Variants in FUT4 observed in about 807,000 individuals in gnomAD.
The protein encoded by FUT4 is fucosyltransferase 4.
In FUT4, 1 loss-of-function variant was observed where a neutral mutation model predicts 3.8. The ratio of observed to expected loss-of-function variants is 0.26; its 90% CI spans 0.09 to 1.25. FUT4 has a LOEUF of 1.25. FUT4 is among the 50% of genes most tolerant of loss of function. The pLI, the probability that FUT4 is intolerant of heterozygous loss-of-function variation, is 0.47. For synonymous variants in FUT4, 417 were observed against 355.3 expected (o/e 1.17, Z -1.95); for missense variants, 880 against 768.2 (o/e 1.15, Z -1.72).
In FUT4 at chr11:94,545,463, C is replaced by A; in HGVS notation, c.1330C>A (p.Arg444Ser). The A allele has an allele frequency of 6.2e-7, 1 of 1,613,400 alleles. No homozygotes were observed. Among genetic ancestry groups the A allele is most frequent in the Non-Finnish European group, 8.5e-7 (1 of 1,179,854 alleles). The change falls in exon 1 of 1, where the codon CGT becomes AGT. Residue 444 changes from arginine to serine, a missense_variant. By Grantham distance (110) the Arg-to-Ser change is moderately radical. This residue lies in a region of FUT4 where 424 missense variants were observed against 400.4 expected (regional missense o/e 1.06). Coordinates refer to ENST00000358752, the MANE Select transcript of FUT4 (RefSeq NM_002033.4). ...GGTGCCGGTGGTGCTGGGCCCAGACCGTGCCAACTACGAGCGCTTTGTGCC... is the reference window on the plus strand; with the variant it reads ...GGTGCCGGTGGTGCTGGGCCCAGACAGTGCCAACTACGAGCGCTTTGTGCC... Reference protein sequence around the residue: ...GAVPVVLGPDRANYERFVPRG... With the variant: ...GAVPVVLGPDSANYERFVPRG...
At position 94,544,575 on chromosome 11, in the gene FUT4, G is replaced by A; in HGVS notation, c.442G>A (p.Gly148Arg). ...GGRRGWRRGR[G>R]LPWTVCVLAA... Reference sequence around the variant, plus strand: ...GCGGCGCGGGTGGCGCCGAGGCCGGGGGCTGCCATGGACCGTCTGTGTGCT... The same window carrying A: ...GCGGCGCGGGTGGCGCCGAGGCCGGAGGCTGCCATGGACCGTCTGTGTGCT... The change falls in exon 1 of 1, where the codon GGG (glycine) becomes AGG (arginine). Residue 148 changes from glycine (G) to arginine (R), a missense_variant. Gly to Arg is a moderately radical substitution (Grantham distance 125). Transcript: ENST00000358752. 9 of 1,310,692 alleles carry A rather than the reference G, an allele frequency of 6.9e-6. No homozygotes were observed. Among genetic ancestry groups the A allele is most frequent in the Non-Finnish European group, 8.7e-6 (9 of 1,037,222 alleles). 81.2% of individuals were successfully genotyped at this position (1,310,692 alleles called of 1,614,324 possible).
Position 94,544,968 on chromosome 11 carries a change from G to T in FUT4, c.835G>T (p.Ala279Ser). 6.2e-7 allele frequency: 1 copy of T among 1,605,878 alleles called. No individual in the cohort carries two copies. The highest frequency in any genetic ancestry group is 8.5e-7 in the Non-Finnish European group (1 of 1,176,596). Residue 279 changes from alanine (A) to serine (S), a missense_variant, in exon 1 of 1, where the codon GCC (alanine) becomes TCC (serine). Physicochemically the swap from Ala to Ser is moderately conservative, Grantham distance 99. Transcript: ENST00000358752. ...DYEEAAAAAE[A>S]LATSSPRPPG... The stretch of plus-strand genomic sequence containing the variant: ...CGAGGAGGCAGCGGCGGCGGCAGAA[G>T]CCCTGGCGACCTCCAGCCCCAGGCC...
In FUT4 at chr11:94,547,053, A is replaced by G. The variant is rs1405435422; in HGVS notation, c.*1327A>G. 3 of 167,126 alleles carry G rather than the reference A, an allele frequency of 1.8e-5. No individual in the cohort carries two copies. The highest frequency in any genetic ancestry group is 2.9e-5 in the Non-Finnish European group (2 of 68,138). 10.4% of individuals were successfully genotyped at this position (167,126 alleles called of 1,614,324 possible). On this transcript the variant is annotated 3_prime_UTR_variant, in exon 1 of 1. Transcript: ENST00000358752. ...CCCTTGAGACTGTGCTATGGAACCA[A>G]TCTTGAACATACATGCATTGACTTG...
Position 94,544,199 on chromosome 11 carries a change from G to C in FUT4, c.66G>C (p.Glu22Asp). Residue 22 changes from glutamate to aspartate, a missense_variant, in exon 1 of 1, where the codon GAG (glutamate) becomes GAC (aspartate). Coordinates refer to ENST00000358752, the MANE Select transcript of FUT4 (RefSeq NM_002033.4). The part of the protein sequence containing the change: ...SGAGWEKEWA[E>D]APQEAPGAWS... ...CGGGCTGGGAGAAGGAGTGGGCGGA[G>C]GCGCCGCAGGAGGCTCCCGGGGCCT... is the stretch of plus-strand genomic sequence containing the variant. 3 of 1,418,788 alleles carry C rather than the reference G, an allele frequency of 2.1e-6. No homozygotes were observed. Among genetic ancestry groups the C allele is most frequent in the Non-Finnish European group, 2.8e-6 (3 of 1,090,238 alleles). The allele number at this position is 1,418,788 out of a possible 1,614,324, so 87.9% of individuals were successfully genotyped here.
Position 94,544,270 on chromosome 11 carries a change from C to T in FUT4, c.137C>T (p.Ala46Val), listed in dbSNP as rs769358122. The change falls in exon 1 of 1, where the codon GCG becomes GTG. Residue 46 changes from alanine to valine, a missense_variant. Around this residue, in one of 3 missense-constraint regions of FUT4, gnomAD observed 447 missense variants for 339.5 expected, o/e 1.32. Coordinates refer to ENST00000358752, the MANE Select transcript of FUT4 (RefSeq NM_002033.4). Reference sequence around the variant, plus strand: ...GGGCGCAGTGGAAGAAAGGGACGGGCGGTGCCCGGTTGGGCGTCCTGGCCA... The same window carrying T: ...GGGCGCAGTGGAAGAAAGGGACGGGTGGTGCCCGGTTGGGCGTCCTGGCCA... ...GPGRSGRKGR[A>V]VPGWASWPAH... 2.0e-5 allele frequency: 31 copies of T among 1,542,460 alleles called. No individual in the cohort carries two copies. Among genetic ancestry groups the T allele is most frequent in the East Asian group, 2.7e-5 (1 of 37,664 alleles).
rs1208249840 is a variant in FUT4 at position 94,544,703 on chromosome 11, C to T, written c.570C>T (p.Gly190=). ...CGCCAACCCCGTCGCGACCGGTGGG[C>T]GTGCTGCTGTGGTGGGAGCCCTTCG... is the stretch of plus-strand genomic sequence containing the variant. ...WASPTPSRPV[G]VLLWWEPFGG... is the part of the protein sequence containing the mutation. Residue 190 remains glycine (G), a synonymous_variant, in exon 1 of 1, where the codon GGC becomes GGT. Coordinates refer to ENST00000358752, the MANE Select transcript of FUT4 (RefSeq NM_002033.4). The T allele has an allele frequency of 4.6e-6, 7 of 1,506,584 alleles. No individual in the cohort carries two copies. The highest frequency in any genetic ancestry group is 1.2e-5 in the South Asian group (1 of 83,488). 93.3% of individuals were successfully genotyped at this position (1,506,584 alleles called of 1,614,324 possible).
rs1429568111 is a variant in FUT4 at position 94,546,121 on chromosome 11, G to A, written c.*395G>A. 5.6e-6 allele frequency: 2 copies of A among 357,702 alleles called. No homozygotes were observed. The highest frequency in any genetic ancestry group is 7.5e-5 in the East Asian group (1 of 13,412). 22.2% of individuals were successfully genotyped at this position (357,702 alleles called of 1,614,324 possible). A position where few individuals can be genotyped will look rare whatever the true frequency, so the allele number is the denominator to read the frequency against. ...CAGCTTCCAAATCTCATACACAACT[G>A]TTCCCGATTCACGTTTTTCTGGACC... On this transcript the variant is annotated 3_prime_UTR_variant, in exon 1 of 1. Coordinates refer to ENST00000358752, the MANE Select transcript of FUT4 (RefSeq NM_002033.4).
At position 94,549,124 on chromosome 11, in the gene FUT4, T is replaced by C; in HGVS notation, c.*3398T>C. On this transcript the variant is annotated 3_prime_UTR_variant, in exon 1 of 1. Coordinates refer to ENST00000358752, the MANE Select transcript of FUT4 (RefSeq NM_002033.4). Reference sequence around the variant, plus strand: ...TGTATATTGTAAAGTGCTATATAATTATAAGATGTTCTAAATTTTCAAGGA... The same window carrying C: ...TGTATATTGTAAAGTGCTATATAATCATAAGATGTTCTAAATTTTCAAGGA... 1 of 167,118 alleles carries C rather than the reference T, an allele frequency of 6.0e-6. No homozygotes were observed. 10.4% of individuals were successfully genotyped at this position (167,118 alleles called of 1,614,324 possible). A position where few individuals can be genotyped will look rare whatever the true frequency, so the allele number is the denominator to read the frequency against.
In FUT4 at chr11:94,545,298, G is replaced by A; in HGVS notation, c.1165G>A (p.Gly389Ser). 6.2e-7 allele frequency: 1 copy of A among 1,611,618 alleles called. No homozygotes were observed. The highest frequency in any genetic ancestry group is 8.5e-7 in the Non-Finnish European group (1 of 1,179,416). ...QHVTVDVFGR[G>S]GPGQPVPEIG... ...TGTGACCGTGGACGTGTTCGGCCGG[G>A]GCGGGCCGGGGCAGCCGGTGCCCGA... The change falls in exon 1 of 1, where the codon GGC becomes AGC. Residue 389 changes from glycine to serine, a missense_variant. Physicochemically the swap from Gly to Ser is moderately conservative, Grantham distance 56 (BLOSUM62 0). Around this residue, in one of 3 missense-constraint regions of FUT4, gnomAD observed 424 missense variants for 400.4 expected, o/e 1.06. Coordinates refer to ENST00000358752, the MANE Select transcript of FUT4 (RefSeq NM_002033.4).
Position 94,547,778 on chromosome 11 carries a change from A to C in FUT4, c.*2052A>C, listed in dbSNP as rs1432731953. On this transcript the variant is annotated 3_prime_UTR_variant, in exon 1 of 1. Transcript: ENST00000358752. ...AGGTTTTGAAGGTAACCTAGTTTAGATTTGAATTCCAGCTATGTGACATTG... is the reference window on the plus strand; with the variant it reads ...AGGTTTTGAAGGTAACCTAGTTTAGCTTTGAATTCCAGCTATGTGACATTG... The C allele has an allele frequency of 6.0e-6, 1 of 167,060 alleles. No individual in the cohort carries two copies. The highest frequency in any genetic ancestry group is 1.5e-5 in the Non-Finnish European group (1 of 68,120). The allele number at this position is 167,060 out of a possible 1,614,324, so 10.3% of individuals were successfully genotyped here.
rs777089624 is a variant in FUT4, at chr11:94,544,392, C to A, written c.259C>A (p.Arg87=). Residue 87 remains arginine (R), a synonymous_variant, in exon 1 of 1, where the codon CGG becomes AGG. Transcript: ENST00000358752. ...LHSGTAPFHS[R]ASGERQRRLE... ...TTCTGGGACCGCCCCCTTCCATTCC[C>A]GGGCCAGCGGCGAGCGGCAGCGACG... The A allele has an allele frequency of 6.5e-7, 1 of 1,536,668 alleles. No homozygotes were observed. The highest frequency in any genetic ancestry group is 8.7e-7 in the Non-Finnish European group (1 of 1,149,630).
rs1260797535 is a variant in FUT4 at position 94,545,286 on chromosome 11, G to A, written c.1153G>A (p.Val385Met). ...HQLSQHVTVD[V>M]FGRGGPGQPV... ...ACTGAGCCAACATGTGACCGTGGAC[G>A]TGTTCGGCCGGGGCGGGCCGGGGCA... Residue 385 changes from valine (V) to methionine (M), a missense_variant, in exon 1 of 1, where the codon GTG becomes ATG. Transcript: ENST00000358752. 1 of 1,612,116 alleles carries A rather than the reference G, an allele frequency of 6.2e-7. No homozygotes were observed. Among genetic ancestry groups the A allele is most frequent in the Non-Finnish European group, 8.5e-7 (1 of 1,179,914 alleles).
chr11:94,546,983 C>G lies in FUT4; in HGVS notation c.*1257C>G, dbSNP rs1206572776. The stretch of plus-strand genomic sequence containing the variant: ...TTCTCCCTGGTGCCAGCAGGTTCCC[C>G]TCACAGTCAATGCAGTGGTATAGCA... On this transcript the variant is annotated 3_prime_UTR_variant, in exon 1 of 1. Transcript: ENST00000358752. 6.0e-6 allele frequency: 1 copy of G among 167,102 alleles called. No homozygotes were observed. 10.4% of individuals were successfully genotyped at this position (167,102 alleles called of 1,614,324 possible). A position where few individuals can be genotyped will look rare whatever the true frequency, so the allele number is the denominator to read the frequency against.
Position 94,543,982 on chromosome 11 carries a change from T to A in FUT4, c.-152T>A. ...GGGCCTGCTCCTGCGCGGCAGCTGC[T>A]TTAGAAGGTCTCGAGCCTCCTGTAC... On this transcript the variant is annotated 5_prime_UTR_variant, in exon 1 of 1. Coordinates refer to ENST00000358752, the MANE Select transcript of FUT4 (RefSeq NM_002033.4). 9.2e-7 allele frequency: 1 copy of A among 1,089,442 alleles called. No individual in the cohort carries two copies. The highest frequency in any genetic ancestry group is 1.2e-6 in the Non-Finnish European group (1 of 837,198). The allele number at this position is 1,089,442 out of a possible 1,614,324, so 67.5% of individuals were successfully genotyped here. A position where few individuals can be genotyped will look rare whatever the true frequency, so the allele number is the denominator to read the frequency against.
At position 94,545,003 on chromosome 11, in the gene FUT4, G is replaced by C. The variant is rs1479776074; in HGVS notation, c.870G>C (p.Gln290His). The C allele has an allele frequency of 6.2e-6, 10 of 1,608,680 alleles. No individual in the cohort carries two copies. Among genetic ancestry groups the C allele is most frequent in the Non-Finnish European group, 8.5e-6 (10 of 1,177,492 alleles). The change falls in exon 1 of 1, where the codon CAG becomes CAC. Residue 290 changes from glutamine to histidine, a missense_variant. Transcript: ENST00000358752. ...LATSSPRPPG[Q>H]RWVWMNFESP... is the part of the protein sequence containing the mutation. ...CCTCCAGCCCCAGGCCCCCGGGCCA[G>C]CGCTGGGTTTGGATGAACTTCGAGT...
In FUT4 at chr11:94,544,195, C is replaced by G; in HGVS notation, c.62C>G (p.Ala21Gly). The change falls in exon 1 of 1, where the codon GCG (alanine) becomes GGG (glycine). Residue 21 changes from alanine (A) to glycine (G), a missense_variant. Ala to Gly is a moderately conservative substitution (Grantham distance 60). Coordinates refer to ENST00000358752, the MANE Select transcript of FUT4 (RefSeq NM_002033.4). ...PSGAGWEKEW[A>G]EAPQEAPGAW... ...GGCGCGGGCTGGGAGAAGGAGTGGG[C>G]GGAGGCGCCGCAGGAGGCTCCCGGG... 1 of 1,414,334 alleles carries G rather than the reference C, an allele frequency of 7.1e-7. No homozygotes were observed. The highest frequency in any genetic ancestry group is 9.2e-7 in the Non-Finnish European group (1 of 1,088,136). The allele number at this position is 1,414,334 out of a possible 1,614,324, so 87.6% of individuals were successfully genotyped here.
rs755685530 is a variant in FUT4, at chr11:94,545,617, A to T, written c.1484A>T (p.His495Leu). Reference sequence around the variant, plus strand: ...CACTGGCGCCGGAGCTACGCTGTCCACATCACCTCCTTCTGGGACGAGCCT... The same window carrying T: ...CACTGGCGCCGGAGCTACGCTGTCCTCATCACCTCCTTCTGGGACGAGCCT... ...YFHWRRSYAVHITSFWDEPWC... is the reference protein window; with the variant it reads ...YFHWRRSYAVLITSFWDEPWC... Residue 495 changes from histidine to leucine, a missense_variant, in exon 1 of 1, where the codon CAC (histidine) becomes CTC (leucine). By Grantham distance (99) the His-to-Leu change is moderately conservative. Transcript: ENST00000358752. The T allele has an allele frequency of 1.2e-6, 2 of 1,613,278 alleles. No individual in the cohort carries two copies. The highest frequency in any genetic ancestry group is 1.6e-4 in the Middle Eastern group (1 of 6,062).
At position 94,544,974 on chromosome 11, in the gene FUT4, G is replaced by T. The variant is rs1406916268; in HGVS notation, c.841G>T (p.Ala281Ser). Residue 281 changes from alanine (A) to serine (S), a missense_variant, in exon 1 of 1, where the codon GCG (alanine) becomes TCG (serine). By Grantham distance (99) the Ala-to-Ser change is moderately conservative (BLOSUM62 1). Around this residue, in one of 3 missense-constraint regions of FUT4, gnomAD observed 424 missense variants for 400.4 expected, o/e 1.06. Transcript: ENST00000358752. Reference protein sequence around the residue: ...EEAAAAAEALATSSPRPPGQR... With the variant: ...EEAAAAAEALSTSSPRPPGQR... ...GGCAGCGGCGGCGGCAGAAGCCCTG[G>T]CGACCTCCAGCCCCAGGCCCCCGGG... The T allele has an allele frequency of 6.2e-7, 1 of 1,606,164 alleles. No homozygotes were observed. The highest frequency in any genetic ancestry group is 1.7e-5 in the Admixed American group (1 of 59,322).
rs5793689 is a variant in FUT4, at chr11:94,548,247, A to ATTT, written c.*2532_*2534dup. 12 of 147,602 alleles carry ATTT rather than the reference A, an allele frequency of 8.1e-5. No individual in the cohort carries two copies. The highest frequency in any genetic ancestry group is 1.0e-4 in the African/African-American group (4 of 39,228). 9.1% of individuals were successfully genotyped at this position (147,602 alleles called of 1,614,324 possible). A position where few individuals can be genotyped will look rare whatever the true frequency, so the allele number is the denominator to read the frequency against. The stretch of plus-strand genomic sequence containing the variant: ...ATTAGCATGAGGAAGGTATAATTGC[A>ATTT]TTTTTTTTTTTTTGAGACGGAGTCT... On this transcript the variant is annotated 3_prime_UTR_variant, in exon 1 of 1. Coordinates refer to ENST00000358752, the MANE Select transcript of FUT4 (RefSeq NM_002033.4).
Sources: gnomAD v4.1 joint callset for allele counts on GRCh38, gnomAD v4.1.1 for gene constraint, gnomAD v4.1.1 regional missense constraint, MANE v1.5 for transcripts, NCBI Gene and HGNC (gene_info 2026-07-23, HGNC 2026-07-21) for gene names.